Variants in CNTN5 observed in about 807,000 individuals in gnomAD.
CNTN5 encodes contactin 5.
CNTN5 carries 77 observed loss-of-function variants against 129.1 expected under a neutral mutation model. The observed-to-expected ratio is 0.60, with a 90% CI of 0.50 to 0.72. The LOEUF (loss-of-function observed/expected upper bound fraction) is 0.72, where lower values mean the gene tolerates loss of function less well. Among genes scored for constraint, CNTN5 ranks in the 30% least tolerant of loss-of-function variants. The pLI, the probability that CNTN5 is intolerant of heterozygous loss-of-function variation, is 0.00. For synonymous variants in CNTN5, 509 were observed against 465.6 expected, an observed-to-expected ratio of 1.09 and a Z score of -1.20; for missense variants, 1,478 against 1,328.8, an observed-to-expected ratio of 1.11 and a Z score of -1.75.
At chr11:99,861,080 T>G (rs866603662) in intron 6 of CNTN5, among the ~76,000 whole-genome samples, 4 of 149,628 alleles carry the variant, frequency 2.7e-5, no homozygotes, top group Non-Finnish European at 5.9e-5. Context: ...CTCAGCCTCC[T>G]GAGTAGGTAG....
At chr11:99,997,377 C>T (rs1233052869) in intron 8 of CNTN5, among the ~76,000 whole-genome samples, 1 of 152,088 alleles carries the variant, frequency 6.6e-6, no homozygotes, top group African/African-American at 2.4e-5. Flanking sequence ...CTACAAACAC[C>T]TCTATGCAAA....
intron 1 of CNTN5, among the ~76,000 whole-genome samples, chr11:99,227,759 A>T (rs1273341468): frequency 1.3e-5 from 2 of 152,194 alleles, no homozygotes; most frequent in East Asian, 3.8e-4. Flanking sequence ...CAGAAAACTT[A>T]GGAAACACAG....
chr11:99,773,400 T>C (rs553063148), intron 3 of CNTN5, among the ~76,000 whole-genome samples: 2 of 152,242 alleles, frequency 1.3e-5, no homozygotes, highest in East Asian at 3.9e-4. Flanking sequence ...TTGTTCATAT[T>C]TTTGTGGTTT....
rs1191581466 is a variant in CNTN5 at position 99,753,149 on chromosome 11, G to A, written c.56-66395G>A. Among the ~76,000 whole-genome samples the A allele has an allele frequency of 2.5e-5, 3 of 120,806 alleles. No homozygotes were observed. The East Asian group carries it at 1.1e-3, about 44-fold the overall frequency. The allele number at this position is 120,806 out of a possible 152,430, so 79.3% of individuals were successfully genotyped here. On this transcript the variant is annotated intron_variant, in intron 3 of 24. Transcript: ENST00000524871. ...TTTTTTTTTTTTTTTTTGAGATGGAGTCTCGCTTTGTCGCCCAGGCTGGAG... is the reference window on the plus strand; with the variant it reads ...TTTTTTTTTTTTTTTTTGAGATGGAATCTCGCTTTGTCGCCCAGGCTGGAG...
intron 8 of CNTN5, among the ~76,000 whole-genome samples, chr11:99,960,860 C>T (rs1950922913): frequency 6.6e-6 from 1 of 151,782 alleles, no homozygotes; most frequent in African/African-American, 2.4e-5. Context: ...ATGAAAATCC[C>T]ACAAAAAATA....
At chr11:99,438,293 T>C (rs908550788) in intron 2 of CNTN5, among the ~76,000 whole-genome samples, 1 of 152,162 alleles carries the variant, frequency 6.6e-6, no homozygotes, top group Non-Finnish European at 1.5e-5. Context: ...ATTTAGAACA[T>C]TTATTGATGA....
At chr11:100,303,711 G>A (rs1951283782) in intron 20 of CNTN5, among the ~76,000 whole-genome samples, 1 of 151,580 alleles carries the variant, frequency 6.6e-6, no homozygotes, top group African/African-American at 2.4e-5. Flanking sequence ...TGCAAGTGGA[G>A]CTACCACAGC....
At position 99,728,183 on chromosome 11, in the gene CNTN5, T is replaced by C. The variant is rs568370636; in HGVS notation, c.56-91361T>C. Among the ~76,000 whole-genome samples the C allele has an allele frequency of 2.0e-5, 3 of 151,730 alleles. No individual in the cohort carries two copies. The South Asian group carries it at 6.2e-4, about 31-fold the overall frequency. ...ATTTCAATATATGTTTAGAAAAATA[T>C]AGAGGAGTCTGATCATACATGAGAG... is the stretch of plus-strand genomic sequence containing the variant. On this transcript the variant is annotated intron_variant, in intron 3 of 24. Coordinates refer to ENST00000524871, the MANE Select transcript of CNTN5 (RefSeq NM_014361.4).
At chr11:99,673,740 T>G (rs1953149332) in intron 3 of CNTN5, among the ~76,000 whole-genome samples, 1 of 142,420 alleles carries the variant, frequency 7.0e-6, no homozygotes, top group African/African-American at 2.6e-5. Context: ...GATAAAGGCT[T>G]CCAGCTCCAC....
At chr11:100,301,540 T>C (rs1951220220) in intron 20 of CNTN5, among the ~76,000 whole-genome samples, 1 of 151,638 alleles carries the variant, frequency 6.6e-6, no homozygotes, top group Non-Finnish European at 1.5e-5. Context: ...ATTAGGCAAA[T>C]TAAATCTGGA....
intron 6 of CNTN5, among the ~76,000 whole-genome samples, chr11:99,892,490 A>G (rs571071728): frequency 1.3e-5 from 2 of 152,014 alleles, no homozygotes; most frequent in Non-Finnish European, 2.9e-5. Context: ...ATCCATCGTG[A>G]GTTAATTTTT....
intron 2 of CNTN5, among the ~76,000 whole-genome samples, chr11:99,483,837 A>G (rs1454829050): frequency 6.6e-6 from 1 of 152,182 alleles, no homozygotes; most frequent in African/African-American, 2.4e-5. Flanking sequence ...AAATGGTGCT[A>G]AAAGTAGATA....
intron 2 of CNTN5, among the ~76,000 whole-genome samples, chr11:99,407,840 AC>A: frequency 6.6e-6 from 1 of 152,106 alleles, no homozygotes. Context: ...TTCTTCTATA[AC>A]AAGGGCAGCA....
intron 6 of CNTN5, among the ~76,000 whole-genome samples, chr11:99,875,818 C>G (rs1317625711): frequency 1.3e-5 from 2 of 152,028 alleles, no homozygotes; most frequent in African/African-American, 4.8e-5. Context: ...AATAAATCAG[C>G]CTTCCCATAT....
At chr11:99,950,283 C>A (rs1028175949) in intron 7 of CNTN5, among the ~76,000 whole-genome samples, 3 of 152,074 alleles carry the variant, frequency 2.0e-5, no homozygotes, top group Non-Finnish European at 2.9e-5. Context: ...TCGAGACCAT[C>A]CTGGCTAACA....
chr11:99,491,351 C>T (rs1015243017), intron 2 of CNTN5, among the ~76,000 whole-genome samples: 4 of 152,046 alleles, frequency 2.6e-5, no homozygotes, highest in African/African-American at 9.7e-5. Context: ...AATAAGATTG[C>T]TAACATACTG....
At chr11:99,247,707 T>C (rs912366072) in intron 1 of CNTN5, among the ~76,000 whole-genome samples, 22 of 151,666 alleles carry the variant, frequency 1.5e-4, no homozygotes, top group African/African-American at 5.1e-4. Context: ...TGAGAACATG[T>C]GGTGTTTGGT....
intron 24 of CNTN5, 62 bp downstream of exon 24, chr11:100,350,932 G>T: frequency 7.6e-7 from 1 of 1,312,822 alleles, no homozygotes; most frequent in Non-Finnish European, 1.0e-6. Context: ...TGGTATGAAA[G>T]TCACGAAAAT....
Position 99,318,815 on chromosome 11 carries a change from AT to A in CNTN5, c.-209-6529del, listed in dbSNP as rs140427897. On this transcript the variant is annotated intron_variant, in intron 1 of 24. Transcript: ENST00000524871. The stretch of plus-strand genomic sequence containing the variant: ...GAATTATGGTGATCCACCTGGTATC[AT>A]TAAACATTGACTCCATATCATGAAT... Among the ~76,000 whole-genome samples, 385 of 152,334 alleles carry A rather than the reference AT, an allele frequency of 2.5e-3. 2 individuals carry two copies. The highest frequency in any genetic ancestry group is 9.0e-3 in the African/African-American group (373 of 41,576).
Sources: allele counts gnomAD v4.1 joint callset (sites outside exome capture counted in the v4.1 genomes callset), GRCh38; gene constraint gnomAD v4.1.1; transcripts MANE v1.5; gene names NCBI Gene and HGNC (gene_info 2026-07-23, HGNC 2026-07-21).